The following PPM1L variants were observed in gnomAD, a reference collection of about 807,000 sequenced individuals.
PPM1L encodes the protein protein phosphatase, Mg2+/Mn2+ dependent 1L.
A neutral mutation model predicts 31.4 loss-of-function variants in PPM1L; 13 were observed. That is an observed-to-expected ratio of 0.41 (90% CI 0.27 to 0.66). The LOEUF is 0.66. Among genes scored for constraint, PPM1L ranks in the 30% least tolerant of loss-of-function variants. PPM1L has a pLI of 0.29. For synonymous variants in PPM1L, 184 were observed against 175.4 expected (o/e 1.05, Z -0.39); for missense variants, 326 against 453.7 (o/e 0.72, Z 2.56).
At chr3:161,010,180 G>T (rs1717845023) in intron 2 of PPM1L, among the ~76,000 whole-genome samples, 1 of 151,848 alleles carries the variant, frequency 6.6e-6, no homozygotes, top group Admixed American at 6.6e-5. Context: ...AGGCCCCAAT[G>T]TGTGATGTTC....
intron 2 of PPM1L, among the ~76,000 whole-genome samples, chr3:161,048,176 GCAATCTACTTATCTGA>G (rs1416534549): frequency 6.6e-6 from 1 of 152,126 alleles, no homozygotes; most frequent in Non-Finnish European, 1.5e-5. Context: ...GAAAATTTTT[GCAATCTACTTATCTGA>G]CAAAGGGCTA....
intron 2 of PPM1L, among the ~76,000 whole-genome samples, chr3:160,977,949 G>C (rs1716655673): frequency 6.6e-6 from 1 of 152,142 alleles, no homozygotes; most frequent in East Asian, 1.9e-4. Flanking sequence ...ATGGGACATT[G>C]AACAACATTG....
In PPM1L at chr3:161,027,125, G is replaced by A. The variant is rs1190784048; in HGVS notation, c.575-38278G>A. ...AGCTAACTGATGTTAATCACTCAGA[G>A]GTATATCTAACCACATTGTAAATGC... On this transcript the variant is annotated intron_variant, in intron 2 of 3. Coordinates refer to ENST00000498165, the MANE Select transcript of PPM1L (RefSeq NM_139245.4). Among the ~76,000 whole-genome samples the A allele has an allele frequency of 1.8e-4, 28 of 152,178 alleles. 1 individual carries two copies. The highest frequency in any genetic ancestry group is 1.8e-3 in the Admixed American group (27 of 15,278).
Position 161,071,855 on chromosome 3 carries a change from G to A in PPM1L, c.*2698G>A, listed in dbSNP as rs1464422878. On this transcript the variant is annotated 3_prime_UTR_variant, in exon 4 of 4. Transcript: ENST00000498165. ...GCCATTAGGGAAATTGATTTGAGATGTTTGCATGTGAAGCTTCCCTAAGCA... is the reference window on the plus strand; with the variant it reads ...GCCATTAGGGAAATTGATTTGAGATATTTGCATGTGAAGCTTCCCTAAGCA... 1 of 152,190 alleles carries A rather than the reference G, an allele frequency of 6.6e-6. No individual in the cohort carries two copies. The highest frequency in any genetic ancestry group is 2.4e-5 in the African/African-American group (1 of 41,450). 9.4% of individuals were successfully genotyped at this position (152,190 alleles called of 1,614,324 possible).
In PPM1L at chr3:160,936,957, T is replaced by TC. The variant is rs567913979; in HGVS notation, c.400-24775dup. Among the ~76,000 whole-genome samples, 19 of 152,322 alleles carry TC rather than the reference T, an allele frequency of 1.2e-4. 1 individual carries two copies. The South Asian group carries it at 3.9e-3, about 32-fold the overall frequency. On this transcript the variant is annotated intron_variant, in intron 1 of 3. Coordinates refer to ENST00000498165, the MANE Select transcript of PPM1L (RefSeq NM_139245.4). ...TTTGTTCAGGCTGAGCGGGTTTCTT[T>TC]CCCCTCTTAATTTTAGTTTAATTGA...
At chr3:160,982,687 C>T (rs1185358517) in intron 2 of PPM1L, among the ~76,000 whole-genome samples, 3 of 152,100 alleles carry the variant, frequency 2.0e-5, no homozygotes, top group Non-Finnish European at 2.9e-5. Flanking sequence ...AGGAATGCAG[C>T]AAAAATGAGG....
intron 1 of PPM1L, among the ~76,000 whole-genome samples, chr3:160,887,573 C>CTTTT (rs58869949): frequency 1.3e-4 from 18 of 142,622 alleles, no homozygotes; most frequent in Admixed American, 2.8e-4. Context: ...TAATATTCAA[C>CTTTT]TTTTTTTTTT....
At chr3:161,008,103 A>T (rs1181966637) in intron 2 of PPM1L, among the ~76,000 whole-genome samples, 1 of 152,130 alleles carries the variant, frequency 6.6e-6, no homozygotes, top group African/African-American at 2.4e-5. Context: ...AGAAACCAGA[A>T]CTCCTTTTCC....
intron 1 of PPM1L, among the ~76,000 whole-genome samples, chr3:160,959,781 C>T (rs141478288): frequency 5.3e-5 from 8 of 151,844 alleles, no homozygotes; most frequent in Non-Finnish European, 8.8e-5. Flanking sequence ...TGCAGTGAGC[C>T]GAGATCATGC....
At chr3:160,945,109 T>G (rs1309704887) in intron 1 of PPM1L, among the ~76,000 whole-genome samples, 2 of 27,064 alleles carry the variant, frequency 7.4e-5, no homozygotes, top group Non-Finnish European at 1.7e-4. Context: ...ATATAACATA[T>G]ATGTTATCTA....
At chr3:160,774,752 T>C (rs1296197153) in intron 1 of PPM1L, among the ~76,000 whole-genome samples, 2 of 152,210 alleles carry the variant, frequency 1.3e-5, no homozygotes, top group African/African-American at 2.4e-5. Flanking sequence ...TCCCCTCGAT[T>C]TCCAGCTCTT....
intron 1 of PPM1L, among the ~76,000 whole-genome samples, chr3:160,872,940 A>G (rs1233735637): frequency 6.6e-6 from 1 of 152,214 alleles, no homozygotes; most frequent in African/African-American, 2.4e-5. Flanking sequence ...AAAAAAAGAA[A>G]AAAAGATATT....
At chr3:161,042,627 T>C (rs112429974) in intron 2 of PPM1L, among the ~76,000 whole-genome samples, 3,355 of 152,310 alleles carry the variant, frequency 0.022, 79 homozygotes, top group South Asian at 0.042. Flanking sequence ...CTTTTACTTA[T>C]TAAAGAACTC....
intron 1 of PPM1L, among the ~76,000 whole-genome samples, chr3:160,914,929 C>A (rs1169242613): frequency 6.6e-6 from 1 of 152,112 alleles, no homozygotes; most frequent in Non-Finnish European, 1.5e-5. Flanking sequence ...GTTCCTATTT[C>A]TCCACATCCT....
In PPM1L at chr3:160,881,879, G is replaced by A. The variant is rs185738412; in HGVS notation, c.400-79857G>A. On this transcript the variant is annotated intron_variant, in intron 1 of 3. Coordinates refer to ENST00000498165, the MANE Select transcript of PPM1L (RefSeq NM_139245.4). ...ATCCTGGCTAACACAGTGAAACCCC[G>A]TCTCTACTAAAAATACAAAAAATTA... 4.0e-4 allele frequency among the ~76,000 whole-genome samples: 61 copies of A among 152,132 alleles called. 1 individual carries two copies. In the East Asian group the frequency reaches 0.01, roughly 25 times the overall value.
At chr3:161,038,595 A>T (rs995103748) in intron 2 of PPM1L, among the ~76,000 whole-genome samples, 14 of 111,700 alleles carry the variant, frequency 1.3e-4, no homozygotes, top group African/African-American at 6.7e-4. Context: ...TAAAAAAAAA[A>T]AAAAAAAAAA....
In PPM1L at chr3:160,942,322, C is replaced by G. The variant is rs534064709; in HGVS notation, c.400-19414C>G. 3.9e-5 allele frequency among the ~76,000 whole-genome samples: 6 copies of G among 152,134 alleles called. No homozygotes were observed. In the South Asian group the frequency reaches 1.2e-3, roughly 32 times the overall value. Reference sequence around the variant, plus strand: ...ATTGCCTAGGCTGGTTTCAAACTCCCTGACTCAAGCAATCCTCCCACCTTG... The same window carrying G: ...ATTGCCTAGGCTGGTTTCAAACTCCGTGACTCAAGCAATCCTCCCACCTTG... On this transcript the variant is annotated intron_variant, in intron 1 of 3. Coordinates refer to ENST00000498165, the MANE Select transcript of PPM1L (RefSeq NM_139245.4).
chr3:160,886,278 GGC>G (rs1358624857), intron 1 of PPM1L, among the ~76,000 whole-genome samples: 1 of 152,182 alleles, frequency 6.6e-6, no homozygotes, highest in African/African-American at 2.4e-5. Context: ...TTTTCTTCCT[GGC>G]AGTTCTGAGG....
intron 1 of PPM1L, among the ~76,000 whole-genome samples, chr3:160,773,235 T>C (rs1369176999): frequency 6.6e-6 from 1 of 152,266 alleles, no homozygotes; most frequent in Non-Finnish European, 1.5e-5. Flanking sequence ...AGTTTGCATT[T>C]TCCTCATAAC....
Sources: allele counts gnomAD v4.1 joint callset (sites outside exome capture counted in the v4.1 genomes callset), GRCh38; gene constraint gnomAD v4.1.1; transcripts MANE v1.5; gene names NCBI Gene and HGNC (gene_info 2026-07-23, HGNC 2026-07-21).